Variants in TMTC1 observed in about 807,000 individuals in gnomAD.
The protein encoded by TMTC1 is transmembrane O-mannosyltransferase targeting cadherins 1.
In TMTC1, 73 loss-of-function variants were observed where a neutral mutation model predicts 104.8. The ratio of observed to expected loss-of-function variants is 0.70; its 90% CI spans 0.58 to 0.85. The LOEUF (loss-of-function observed/expected upper bound fraction) is 0.85. Among genes scored for constraint, TMTC1 ranks in the 40% least tolerant of loss-of-function variants. The probability of loss-of-function intolerance (pLI) is 0.00; values close to 1 mark genes in which losing one functional copy is unlikely to be tolerated. For missense variants in TMTC1, 1,035 were observed against 1,096.1 expected, an observed-to-expected ratio of 0.94 and a Z score of 0.79; for synonymous variants, 434 against 428.7, an observed-to-expected ratio of 1.01 and a Z score of -0.15.
At chr12:29,622,767 T>C (rs1255573372) in intron 6 of TMTC1, among the ~76,000 whole-genome samples, 4 of 152,202 alleles carry the variant, frequency 2.6e-5, no homozygotes, top group African/African-American at 7.2e-5. Flanking sequence ...CAAATGCCTT[T>C]CTAGAGAATG....
At position 29,631,291 on chromosome 12, in the gene TMTC1, T is replaced by C. The variant is rs147958910; in HGVS notation, c.1128+1856A>G. Among the ~76,000 whole-genome samples, 794 of 152,354 alleles carry C rather than the reference T, an allele frequency of 5.2e-3. 8 individuals are homozygous for C. The highest frequency in any genetic ancestry group is 0.018 in the African/African-American group (765 of 41,582). ...ATTTATCAACTTTTTCTTTTACAGT[T>C]TTCACATTGTGTTCTAAGAAATATT... On this transcript the variant is annotated intron_variant, in intron 6 of 17. Transcript: ENST00000539277.
intron 10 of TMTC1, among the ~76,000 whole-genome samples, chr12:29,542,921 A>G (rs538906531): frequency 6.6e-6 from 1 of 152,092 alleles, no homozygotes; most frequent in Non-Finnish European, 1.5e-5. Context: ...CCTTGATTGC[A>G]TATCCAAGTC....
At chr12:29,669,214 A>G (rs1288376694) in intron 5 of TMTC1, among the ~76,000 whole-genome samples, 1 of 152,250 alleles carries the variant, frequency 6.6e-6, no homozygotes, top group Non-Finnish European at 1.5e-5. Flanking sequence ...TGAGAGGGCA[A>G]GCTCAGAGGG....
chr12:29,581,630 C>T (rs1319717896), intron 8 of TMTC1, among the ~76,000 whole-genome samples: 1 of 151,890 alleles, frequency 6.6e-6, no homozygotes, highest in African/African-American at 2.4e-5. Flanking sequence ...AAAATCCATT[C>T]CCAAAGTTGC....
In TMTC1 at chr12:29,536,045, G is replaced by A. The variant is rs1026812663; in HGVS notation, c.1785+164C>T. 25 of 609,496 alleles carry A rather than the reference G, an allele frequency of 4.1e-5. No homozygotes were observed. The Admixed American group carries it at 7.7e-4, about 19-fold the overall frequency. 37.8% of individuals were successfully genotyped at this position (609,496 alleles called of 1,614,324 possible). On this transcript the variant is annotated intron_variant, in intron 11 of 17. Transcript: ENST00000539277. The stretch of plus-strand genomic sequence containing the variant: ...GACCTGTGATACACAGAGAATATTG[G>A]AGTGAGAAAATTAGGCTTGTAATTT...
rs1369631360 is a variant in TMTC1, at chr12:29,751,585, C to T, written c.938+81G>A. 10 of 1,483,322 alleles carry T rather than the reference C, an allele frequency of 6.7e-6. No individual in the cohort carries two copies. The Middle Eastern group carries it at 5.2e-4, about 77-fold the overall frequency. The allele number at this position is 1,483,322 out of a possible 1,614,324, so 91.9% of individuals were successfully genotyped here. On this transcript the variant is annotated intron_variant, in intron 5 of 17. Transcript: ENST00000539277. ...GTCACAGTGTGCTGACTCAGTGCTTCACTTCCCCAGGCATCCCAGGCTGCA... is the reference window on the plus strand; with the variant it reads ...GTCACAGTGTGCTGACTCAGTGCTTTACTTCCCCAGGCATCCCAGGCTGCA...
chr12:29,529,069 C>T (rs1002872130), intron 11 of TMTC1, among the ~76,000 whole-genome samples: 18 of 152,136 alleles, frequency 1.2e-4, no homozygotes, highest in Non-Finnish European at 1.6e-4. Flanking sequence ...AATCTGGCCT[C>T]ACACGCACAT....
intron 11 of TMTC1, among the ~76,000 whole-genome samples, chr12:29,529,147 G>C (rs573237961): frequency 1.3e-5 from 2 of 152,284 alleles, no homozygotes; most frequent in Non-Finnish European, 2.9e-5. Flanking sequence ...GTGGCTGCTA[G>C]AAAACTACTG....
chr12:29,649,516 C>T (rs373201603), intron 5 of TMTC1, among the ~76,000 whole-genome samples: 11 of 152,280 alleles, frequency 7.2e-5, no homozygotes, highest in African/African-American at 2.6e-4. Context: ...CTGTAGTCAC[C>T]CCTGGCTTAC....
At chr12:29,570,716 T>G (rs1945643894) in intron 9 of TMTC1, among the ~76,000 whole-genome samples, 1 of 152,090 alleles carries the variant, frequency 6.6e-6, no homozygotes, top group African/African-American at 2.4e-5. Context: ...TGATGGTGCA[T>G]GCCTGTAATC....
intron 5 of TMTC1, among the ~76,000 whole-genome samples, chr12:29,656,037 G>GGTTA (rs1939738874): frequency 6.6e-6 from 1 of 152,010 alleles, no homozygotes; most frequent in Non-Finnish European, 1.5e-5. Flanking sequence ...GCAAGCCCCT[G>GGTTA]GTTACTCACA....
chr12:29,546,786 G>A (rs916469815), intron 10 of TMTC1, among the ~76,000 whole-genome samples: 14 of 152,218 alleles, frequency 9.2e-5, no homozygotes, highest in African/African-American at 3.4e-4. Flanking sequence ...GGAGGCTGAG[G>A]CAGGAGGATC....
At position 29,505,233 on chromosome 12, in the gene TMTC1, G is replaced by A. The variant is rs1943672325; in HGVS notation, c.*1613C>T. On this transcript the variant is annotated 3_prime_UTR_variant, in exon 18 of 18. Coordinates refer to ENST00000539277, the MANE Select transcript of TMTC1 (RefSeq NM_001193451.2). ...TCCTGATACTGGGTTGAAAGAAGCA[G>A]AAGGCTATTTTTACCCTGCCCTGGC... is the stretch of plus-strand genomic sequence containing the variant. The A allele has an allele frequency of 6.6e-6, 1 of 152,222 alleles. No individual in the cohort carries two copies. Among genetic ancestry groups the A allele is most frequent in the Admixed American group, 6.5e-5 (1 of 15,278 alleles). The allele number at this position is 152,222 out of a possible 1,614,324, so 9.4% of individuals were successfully genotyped here. A position where few individuals can be genotyped will look rare whatever the true frequency, so the allele number is the denominator to read the frequency against.
chr12:29,522,353 G>C lies in TMTC1; in HGVS notation c.1786-1633C>G, dbSNP rs115670709. Among the ~76,000 whole-genome samples the C allele has an allele frequency of 9.6e-3, 1,466 of 152,232 alleles. 25 individuals are homozygous for C. The highest frequency in any genetic ancestry group is 0.033 in the African/African-American group (1,391 of 41,540). ...GTTCCTACATTTAAGTAACATTAGGGAACAAGGTGTGGTTTGTCAAACTTC... is the reference window on the plus strand; with the variant it reads ...GTTCCTACATTTAAGTAACATTAGGCAACAAGGTGTGGTTTGTCAAACTTC... On this transcript the variant is annotated intron_variant, in intron 11 of 17. Transcript: ENST00000539277.
intron 2 of TMTC1, among the ~76,000 whole-genome samples, chr12:29,763,692 A>T (rs1018930074): frequency 1.3e-5 from 2 of 152,256 alleles, no homozygotes; most frequent in Non-Finnish European, 2.9e-5. Context: ...AAGGCTTCAC[A>T]GGTCTGGCCA....
At chr12:29,728,998 CAAA>C (rs34267484) in intron 5 of TMTC1, among the ~76,000 whole-genome samples, 9 of 68,714 alleles carry the variant, frequency 1.3e-4, no homozygotes, top group Admixed American at 1.6e-4. Flanking sequence ...ACTCCATCTC[CAAA>C]AAAAAAAAAA....
chr12:29,710,877 A>T (rs1941893953), intron 5 of TMTC1, among the ~76,000 whole-genome samples: 2 of 134,692 alleles, frequency 1.5e-5, no homozygotes, highest in Non-Finnish European at 3.1e-5. Flanking sequence ...TATTATTATA[A>T]ATTATATTAT....
intron 6 of TMTC1, among the ~76,000 whole-genome samples, chr12:29,614,960 A>G (rs2136439617): frequency 6.6e-6 from 1 of 152,382 alleles, no homozygotes; most frequent in South Asian, 2.1e-4. Flanking sequence ...CACTGGCCGA[A>G]GTCACCCAAA....
intron 10 of TMTC1, among the ~76,000 whole-genome samples, chr12:29,548,323 A>G (rs1172279838): frequency 1.3e-5 from 2 of 152,216 alleles, no homozygotes; most frequent in African/African-American, 4.8e-5. Context: ...ATGGAGTGAA[A>G]AATGGCACAA....
Sources: allele counts gnomAD v4.1 joint callset (sites outside exome capture counted in the v4.1 genomes callset), GRCh38; gene constraint gnomAD v4.1.1; transcripts MANE v1.5; gene names NCBI Gene and HGNC (gene_info 2026-07-23, HGNC 2026-07-21).